The following ITGB1 variants were observed in gnomAD, a reference collection of about 807,000 sequenced individuals.
ITGB1 encodes integrin beta-1.
Under a neutral mutation model 86.5 loss-of-function variants are expected in ITGB1, and 24 were observed. That is an observed-to-expected ratio of 0.28 (90% CI 0.20 to 0.39). The LOEUF is 0.39. Ranked by LOEUF, ITGB1 falls within the 10% of genes least tolerant of loss-of-function variation. ITGB1 has a pLI of 1.00. For synonymous variants in ITGB1, 323 were observed against 316.8 expected, an observed-to-expected ratio of 1.02 and a Z score of -0.21; for missense variants, 556 against 946.9, an observed-to-expected ratio of 0.59 and a Z score of 5.42.
chr10:32,910,134 T>C (rs2094908286), intron 14 of ITGB1, 89 bp downstream of exon 14: 1 of 908,000 alleles, frequency 1.1e-6, no homozygotes, highest in Non-Finnish European at 1.7e-6. Flanking sequence ...ATATTCCAGC[T>C]GGAGGCTGTT....
At chr10:32,915,558 A>G (rs1393468885) in intron 11 of ITGB1, among the ~76,000 whole-genome samples, 1 of 152,228 alleles carries the variant, frequency 6.6e-6, no homozygotes, top group Non-Finnish European at 1.5e-5. Flanking sequence ...TAACTGGAAA[A>G]TCTAGAAGAA....
At chr10:32,949,586 T>G (rs1281670037) in intron 1 of ITGB1, among the ~76,000 whole-genome samples, 1 of 152,176 alleles carries the variant, frequency 6.6e-6, no homozygotes, top group East Asian at 1.9e-4. Context: ...TTTTTTACCA[T>G]ATGAAATTTT....
chr10:32,946,906 A>G (rs113494727), intron 1 of ITGB1, among the ~76,000 whole-genome samples: 14,395 of 151,314 alleles, frequency 0.095, 877 homozygotes, highest in Admixed American at 0.2. Context: ...GTGCAGTGGC[A>G]TGATCTTGGC....
intron 1 of ITGB1, among the ~76,000 whole-genome samples, chr10:32,945,198 T>C (rs2095028388): frequency 6.6e-6 from 1 of 152,192 alleles, no homozygotes. Flanking sequence ...AATCATCTAG[T>C]GTGTTTTATC....
At chr10:32,908,085 T>C (rs1469082808) in intron 15 of ITGB1, among the ~76,000 whole-genome samples, 1 of 152,160 alleles carries the variant, frequency 6.6e-6, no homozygotes, top group Non-Finnish European at 1.5e-5. Flanking sequence ...TACTTCACAT[T>C]AGATGAAAAG....
chr10:32,909,855 A>G (rs2094907595), intron 14 of ITGB1, among the ~76,000 whole-genome samples: 1 of 152,136 alleles, frequency 6.6e-6, no homozygotes, highest in Admixed American at 6.5e-5. Flanking sequence ...CCTTTAACAA[A>G]TTATCTTTCC....
chr10:32,931,946 A>T (rs1364311162), intron 3 of ITGB1, among the ~76,000 whole-genome samples: 1 of 152,126 alleles, frequency 6.6e-6, no homozygotes, highest in African/African-American at 2.4e-5. Flanking sequence ...GACAAAAGTG[A>T]ATAAAATCCA....
At chr10:32,921,591 A>G (rs1346834265) in intron 9 of ITGB1, among the ~76,000 whole-genome samples, 3 of 152,166 alleles carry the variant, frequency 2.0e-5, no homozygotes, top group Non-Finnish European at 4.4e-5. Context: ...CCGCCTTCAG[A>G]TTATTTAAAT....
intron 1 of ITGB1, chr10:32,944,758 T>A (rs1178676440): frequency 1.4e-6 from 1 of 716,746 alleles, no homozygotes; most frequent in Admixed American, 1.8e-5. Context: ...AACAATGCCT[T>A]ACTGCTCGCT....
At chr10:32,935,602 A>G (rs2094999035) in intron 1 of ITGB1, 44 bp from the exon 2 acceptor site, 1 of 1,357,354 alleles carries the variant, frequency 7.4e-7, no homozygotes, top group African/African-American at 1.4e-5. Context: ...AAGAAATAAA[A>G]TGAAAAATGC....
At chr10:32,952,623 A>G (rs2095044772) in intron 1 of ITGB1, among the ~76,000 whole-genome samples, 1 of 152,244 alleles carries the variant, frequency 6.6e-6, no homozygotes, top group Non-Finnish European at 1.5e-5. Context: ...ATAAACATTT[A>G]TACAGAAAAA....
intron 11 of ITGB1, among the ~76,000 whole-genome samples, chr10:32,914,820 A>G (rs2137181202): frequency 6.6e-6 from 1 of 152,324 alleles, no homozygotes; most frequent in South Asian, 2.1e-4. Flanking sequence ...TGGACCTAAT[A>G]GACATCTACA....
At chr10:32,953,799 T>C (rs2095047155) in intron 1 of ITGB1, 4 of 152,190 alleles carry the variant, frequency 2.6e-5, no homozygotes, top group Admixed American at 2.6e-4. Flanking sequence ...ACTGCTTCTC[T>C]GATCAGGTAT....
At chr10:32,954,565 A>T (rs189955903) in intron 1 of ITGB1, among the ~76,000 whole-genome samples, 4 of 152,218 alleles carry the variant, frequency 2.6e-5, no homozygotes, top group African/African-American at 9.7e-5. Context: ...ATCAATCATA[A>T]TCAAAATTTT....
At chr10:32,945,973 T>C (rs2095030511) in intron 1 of ITGB1, among the ~76,000 whole-genome samples, 1 of 152,210 alleles carries the variant, frequency 6.6e-6, no homozygotes, top group Admixed American at 6.5e-5. Flanking sequence ...AAAATACATA[T>C]GTATTGAGGG....
Position 32,926,073 on chromosome 10 carries a change from T to C in ITGB1, c.584A>G (p.Tyr195Cys). ...GAGCTTAGCTGGTGTTGTGCTAATG[T>C]AAGGCATCACAGTCTTTTCCACAAA... ...GSFVEKTVMP[Y>C]ISTTPAKLRN... The change falls in exon 6 of 16, where the codon TAC becomes TGC. Residue 195 changes from tyrosine (Y) to cysteine (C), a missense_variant. Physicochemically the swap from Tyr to Cys is radical, Grantham distance 194. Coordinates refer to ENST00000302278, the MANE Select transcript of ITGB1 (RefSeq NM_002211.4). 3 of 1,614,116 alleles carry C rather than the reference T, an allele frequency of 1.9e-6. No individual in the cohort carries two copies. Among genetic ancestry groups the C allele is most frequent in the Non-Finnish European group, 2.5e-6 (3 of 1,179,986 alleles).
chr10:32,951,658 A>C (rs2095042853), intron 1 of ITGB1: 1 of 152,212 alleles, frequency 6.6e-6, no homozygotes, highest in African/African-American at 2.4e-5. Flanking sequence ...TCCACTCAAA[A>C]GGTAAGACAT....
At chr10:32,939,180 AAAGGACCTG>A (rs1254768943) in intron 1 of ITGB1, among the ~76,000 whole-genome samples, 3 of 152,208 alleles carry the variant, frequency 2.0e-5, no homozygotes, top group Non-Finnish European at 4.4e-5. Flanking sequence ...TATGCTGAGA[AAAGGACCTG>A]AAGGGGTTTC....
At chr10:32,935,264 AT>A (rs2094997508) in intron 2 of ITGB1, among the ~76,000 whole-genome samples, 1 of 152,174 alleles carries the variant, frequency 6.6e-6, no homozygotes, top group Non-Finnish European at 1.5e-5. Flanking sequence ...AATCCCTAGC[AT>A]TTTAGTACTT....
Sources: allele counts gnomAD v4.1 joint callset (sites outside exome capture counted in the v4.1 genomes callset), GRCh38; gene constraint gnomAD v4.1.1; transcripts MANE v1.5; gene names NCBI Gene and HGNC (gene_info 2026-07-23, HGNC 2026-07-21).